RNF17: variants seen among roughly 807,000 people sequenced by gnomAD.
RNF17 encodes ring finger protein 17, also known as spermatogenesis associated 23.
A neutral mutation model predicts 200.5 loss-of-function variants in RNF17; 31 were observed. The observed-to-expected ratio is 0.15, with a 90% CI of 0.12 to 0.21. The LOEUF (loss-of-function observed/expected upper bound fraction) is 0.21, where lower values mean the gene tolerates loss of function less well. Ranked by LOEUF, RNF17 falls within the 10% of genes least tolerant of loss-of-function variation. The probability of loss-of-function intolerance (pLI) is 1.00; values close to 1 mark genes in which losing one functional copy is unlikely to be tolerated. For missense variants in RNF17, 1,628 were observed against 1,905.1 expected, an observed-to-expected ratio of 0.85 and a Z score of 2.71; for synonymous variants, 606 against 637.8, an observed-to-expected ratio of 0.95 and a Z score of 0.75.
At chr13:24,830,180 T>G (rs1052947075) in intron 16 of RNF17, among the ~76,000 whole-genome samples, 2 of 152,200 alleles carry the variant, frequency 1.3e-5, no homozygotes, top group African/African-American at 4.8e-5. Context: ...TGTTCAAAAC[T>G]GGTCAGTCTG....
intron 18 of RNF17, among the ~76,000 whole-genome samples, chr13:24,835,940 T>C (rs1043446051): frequency 6.6e-6 from 1 of 152,270 alleles, no homozygotes; most frequent in Non-Finnish European, 1.5e-5. Context: ...GGGAGAAATA[T>C]TCAAGGAAAT....
intron 18 of RNF17, among the ~76,000 whole-genome samples, chr13:24,833,078 G>T (rs1889592053): frequency 6.6e-6 from 1 of 152,088 alleles, no homozygotes; most frequent in East Asian, 1.9e-4. Context: ...ATTTTGATCA[G>T]TTCCAAAGTT....
chr13:24,822,387 T>A (rs111806703), intron 15 of RNF17, among the ~76,000 whole-genome samples: 39 of 152,224 alleles, frequency 2.6e-4, no homozygotes, highest in African/African-American at 8.9e-4. Flanking sequence ...CTCCTTCCTG[T>A]ATTCTCACTC....
At chr13:24,859,528 A>G (rs1201899543) in intron 26 of RNF17, among the ~76,000 whole-genome samples, 1 of 152,082 alleles carries the variant, frequency 6.6e-6, no homozygotes, top group East Asian at 1.9e-4. Context: ...GATAACGACT[A>G]ATTTACCTTT....
chr13:24,760,599 A>G (rs1878653920), upstream of RNF17, among the ~76,000 whole-genome samples: 1 of 152,232 alleles, frequency 6.6e-6, no homozygotes, highest in African/African-American at 2.4e-5. Context: ...AAGCACAGGC[A>G]ACAAAAGCAA....
intron 31 of RNF17, among the ~76,000 whole-genome samples, chr13:24,869,503 T>TTAC (rs1894015326): frequency 6.6e-6 from 1 of 152,162 alleles, no homozygotes. Context: ...AGCTGCTGAG[T>TTAC]TAAGCACTCT....
intron 15 of RNF17, among the ~76,000 whole-genome samples, chr13:24,808,909 G>T (rs1364990064): frequency 4.4e-4 from 61 of 139,678 alleles, no homozygotes; most frequent in African/African-American, 1.6e-3. Context: ...TAATCATGTG[G>T]TTTTTGTCTT....
intron 15 of RNF17, among the ~76,000 whole-genome samples, chr13:24,809,074 A>G (rs1289144005): frequency 2.0e-5 from 3 of 151,716 alleles, no homozygotes; most frequent in Non-Finnish European, 4.4e-5. Context: ...TTTTTGCATC[A>G]ATGTTCATCA....
intron 34 of RNF17, among the ~76,000 whole-genome samples, chr13:24,878,953 C>T (rs1895146809): frequency 6.6e-6 from 1 of 152,088 alleles, no homozygotes; most frequent in Admixed American, 6.5e-5. Context: ...GGTGACAAAG[C>T]CCACTGGCTT....
chr13:24,828,089 C>G (rs1336695319), intron 16 of RNF17, among the ~76,000 whole-genome samples: 2 of 152,132 alleles, frequency 1.3e-5, no homozygotes, highest in Admixed American at 6.5e-5. Context: ...TTGGAGCAAA[C>G]AAAAGCATTT....
Position 24,830,614 on chromosome 13 carries a change from A to T in RNF17, c.2361+15A>T. On this transcript the variant is annotated intron_variant, in intron 17 of 35. Transcript: ENST00000255324. ...CCCCAGAGAAGGTAATTTATTTATT[A>T]TGAATTCTAGGGCTAGAATATCAGC... 6.7e-7 allele frequency: 1 copy of T among 1,483,990 alleles called. No individual in the cohort carries two copies. Among genetic ancestry groups the T allele is most frequent in the South Asian group, 1.2e-5 (1 of 86,120 alleles). 91.9% of individuals were successfully genotyped at this position (1,483,990 alleles called of 1,614,324 possible).
intron 26 of RNF17, among the ~76,000 whole-genome samples, chr13:24,860,410 A>G (rs531111014): frequency 6.6e-6 from 1 of 152,192 alleles, no homozygotes; most frequent in East Asian, 1.9e-4. Context: ...TTTAGTATAC[A>G]CAATGGATTT....
intron 33 of RNF17, 45 bp downstream of exon 33, chr13:24,874,294 TA>T: frequency 1.5e-6 from 2 of 1,308,400 alleles, no homozygotes; most frequent in Non-Finnish European, 2.1e-6. Flanking sequence ...TCTTTTTTTT[TA>T]AATAGTTTTC....
chr13:24,775,301 T>A lies in RNF17; in HGVS notation c.317+397T>A, dbSNP rs557454598. The stretch of plus-strand genomic sequence containing the variant: ...TCTCACTCTGTCACCCAGGCTTGAG[T>A]GCAGTGGTTTTGATCATGGCTCACT... On this transcript the variant is annotated intron_variant, in intron 3 of 35. Transcript: ENST00000255324. Among the ~76,000 whole-genome samples, 23 of 152,340 alleles carry A rather than the reference T, an allele frequency of 1.5e-4. No homozygotes were observed. In the South Asian group the frequency reaches 2.9e-3, roughly 19 times the overall value.
At chr13:24,824,326 T>C (rs1225269317) in intron 15 of RNF17, 4 of 636,274 alleles carry the variant, frequency 6.3e-6, no homozygotes, top group Non-Finnish European at 8.5e-6. Flanking sequence ...AAATGTTCAC[T>C]CTGGCTTACC....
Position 24,796,279 on chromosome 13 carries a change from A to G in RNF17, c.1383A>G (p.Ser461=). The G allele has an allele frequency of 6.3e-7, 1 of 1,598,492 alleles. No individual in the cohort carries two copies. Among genetic ancestry groups the G allele is most frequent in the Non-Finnish European group, 8.5e-7 (1 of 1,173,150 alleles). ...ATAGGAGTTCACACCTTGATCCTTC[A>G]GACATTTTGGAACTAGGTAATGAAA... ...FCNRSSHLDP[S]DILELGARIF... Residue 461 remains serine (S), a synonymous_variant, in exon 11 of 36, where the codon TCA becomes TCG. Coordinates refer to ENST00000255324, the MANE Select transcript of RNF17 (RefSeq NM_031277.3).
At chr13:24,796,918 A>G (rs1382562132) in intron 11 of RNF17, among the ~76,000 whole-genome samples, 1 of 152,204 alleles carries the variant, frequency 6.6e-6, no homozygotes, top group Admixed American at 6.5e-5. Context: ...CAATACCTAT[A>G]TATAACTAAT....
At chr13:24,749,627 C>T in the RNF17 span, among the ~76,000 whole-genome samples, 7 of 152,014 alleles carry the variant, frequency 4.6e-5, no homozygotes, top group Non-Finnish European at 8.8e-5. Context: ...TGAGTTGGAC[C>T]CAGAGAAACT....
chr13:24,773,216 A>G (rs1362105856), intron 2 of RNF17, among the ~76,000 whole-genome samples: 1 of 152,176 alleles, frequency 6.6e-6, no homozygotes, highest in Non-Finnish European at 1.5e-5. Flanking sequence ...TACCCAAAGG[A>G]AAATAAATTA....
Sources: allele counts gnomAD v4.1 joint callset (sites outside exome capture counted in the v4.1 genomes callset), GRCh38; gene constraint gnomAD v4.1.1; transcripts MANE v1.5; gene names NCBI Gene and HGNC (gene_info 2026-07-23, HGNC 2026-07-21).